The following ACBD4 variants were observed in gnomAD, a reference collection of about 807,000 sequenced individuals.
ACBD4 encodes acyl-CoA binding domain containing 4, also known as acyl-CoA-binding domain-containing protein 4.
Under a neutral mutation model 46.0 loss-of-function variants are expected in ACBD4, and 41 were observed. The observed-to-expected ratio is 0.89, with a 90% CI of 0.69 to 1.16. The LOEUF (loss-of-function observed/expected upper bound fraction) is 1.16. ACBD4 is among the 50% of genes most tolerant of loss of function. ACBD4 has a pLI of 0.00. For missense variants in ACBD4, 393 were observed against 399.5 expected, an observed-to-expected ratio of 0.98 and a Z score of 0.14; for synonymous variants, 162 against 155.9, an observed-to-expected ratio of 1.04 and a Z score of -0.29.
chr17:45,140,564 C>T (rs955495117), intron 9 of ACBD4, among the ~76,000 whole-genome samples: 17 of 150,616 alleles, frequency 1.1e-4, no homozygotes, highest in Admixed American at 5.3e-4. Context: ...GTGGCTCACA[C>T]CTGTAATCCC....
rs538402280 is a variant in ACBD4, at chr17:45,141,934, A to C, written c.790-1509A>C. 3.7e-3 allele frequency among the ~76,000 whole-genome samples: 559 copies of C among 152,300 alleles called. 2 individuals are homozygous for C. The highest frequency in any genetic ancestry group is 0.027 in the Middle Eastern group (8 of 294). ...AGTCAATAATTTAGTAATTGCCAAA[A>C]AAAAAAAAGCTGACTTTTAAATGCT... On this transcript the variant is annotated intron_variant, in intron 9 of 9. Transcript: ENST00000321854.
chr17:45,141,175 T>G (rs2055247097), intron 9 of ACBD4, among the ~76,000 whole-genome samples: 1 of 152,270 alleles, frequency 6.6e-6, no homozygotes, highest in African/African-American at 2.4e-5. Context: ...CCAGCTGCTC[T>G]GTTTTTCCAG....
In ACBD4 at chr17:45,137,416, C is replaced by T. The variant is rs1410904509; in HGVS notation, c.464C>T (p.Pro155Leu). ...GGAGATGTTGGGGCTGTTTCAGAGC[C>T]TCCCTGCCTCCCCAAGGAACCGGCA... Reference protein sequence around the residue: ...VNGDVGAVSEPPCLPKEPAPP... With the variant: ...VNGDVGAVSELPCLPKEPAPP... The change falls in exon 6 of 10, where the codon CCT becomes CTT. Residue 155 changes from proline (P) to leucine (L), a missense_variant. Coordinates refer to ENST00000321854, the MANE Select transcript of ACBD4 (RefSeq NM_001135705.3). 1 of 1,614,060 alleles carries T rather than the reference C, an allele frequency of 6.2e-7. No individual in the cohort carries two copies. Among genetic ancestry groups the T allele is most frequent in the Non-Finnish European group, 8.5e-7 (1 of 1,180,000 alleles).
chr17:45,134,926 C>A (rs928703696), upstream of ACBD4, among the ~76,000 whole-genome samples: 1 of 151,996 alleles, frequency 6.6e-6, no homozygotes, highest in South Asian at 2.1e-4. Flanking sequence ...CAGTACCCTT[C>A]CCAGCCTCTG....
intron 7 of ACBD4, 41 bp from the exon 8 acceptor site, chr17:45,137,872 G>T (rs368818663): frequency 1.2e-6 from 2 of 1,606,942 alleles, no homozygotes; most frequent in South Asian, 2.2e-5. Flanking sequence ...ACCCCACTGT[G>T]CTCCCACTCC....
Position 45,143,729 on chromosome 17 carries a change from A to AC in ACBD4, c.*162dup. ...CAGCGCGGGGGGCAAATAAGACCCCACCCCTCCCTGCAGCTTCACAGGGAC... is the reference window on the plus strand; with the variant it reads ...CAGCGCGGGGGGCAAATAAGACCCCACCCCCTCCCTGCAGCTTCACAGGGAC... On this transcript the variant is annotated 3_prime_UTR_variant, in exon 10 of 10. Transcript: ENST00000321854. 1.6e-6 allele frequency: 2 copies of AC among 1,229,564 alleles called. No individual in the cohort carries two copies. The highest frequency in any genetic ancestry group is 2.3e-6 in the Non-Finnish European group (2 of 879,234). 76.2% of individuals were successfully genotyped at this position (1,229,564 alleles called of 1,614,324 possible).
chr17:45,140,718 T>C (rs1333291212), intron 9 of ACBD4, among the ~76,000 whole-genome samples: 4 of 151,508 alleles, frequency 2.6e-5, no homozygotes, highest in Non-Finnish European at 4.4e-5. Context: ...GTTGGGTTCA[T>C]ATTCTCAAAA....
intron 9 of ACBD4, among the ~76,000 whole-genome samples, chr17:45,140,713 G>T (rs949817559): frequency 1.3e-5 from 2 of 151,696 alleles, no homozygotes; most frequent in African/African-American, 4.8e-5. Context: ...AAAGAGTTGG[G>T]TTCATATTCT....
rs765845136 is a variant in ACBD4, at chr17:45,136,239, C to T, written c.88+7C>T. 43 of 1,612,322 alleles carry T rather than the reference C, an allele frequency of 2.7e-5. No individual in the cohort carries two copies. Among genetic ancestry groups the T allele is most frequent in the Non-Finnish European group, 3.3e-5 (39 of 1,179,332 alleles). On this transcript the variant is annotated splice_region_variant and intron_variant, in intron 2 of 9. Transcript: ENST00000321854. ...CAGAACCTGCCCAAGAACGGTGAGG[C>T]TGCGGGGACTCGCATTTGGACTCGC...
At chr17:45,140,307 C>T (rs567558894) in intron 9 of ACBD4, among the ~76,000 whole-genome samples, 12 of 151,392 alleles carry the variant, frequency 7.9e-5, no homozygotes, top group Admixed American at 2.0e-4. Context: ...CCTCAGCCTC[C>T]GGAGTAGCTG....
At position 45,136,244 on chromosome 17, in the gene ACBD4, G is replaced by GGGACTCGCATTT. The variant is rs768576767; in HGVS notation, c.88+24_88+35dup. The GGGACTCGCATTT allele has an allele frequency of 5.0e-6, 8 of 1,612,092 alleles. No individual in the cohort carries two copies. The highest frequency in any genetic ancestry group is 1.1e-5 in the South Asian group (1 of 90,728). The stretch of plus-strand genomic sequence containing the variant: ...CCTGCCCAAGAACGGTGAGGCTGCG[G>GGGACTCGCATTT]GGACTCGCATTTGGACTCGCATTCA... On this transcript the variant is annotated intron_variant, in intron 2 of 9. Transcript: ENST00000321854.
At chr17:45,140,010 G>A (rs1388367424) in intron 9 of ACBD4, among the ~76,000 whole-genome samples, 2 of 152,192 alleles carry the variant, frequency 1.3e-5, no homozygotes, top group South Asian at 4.1e-4. Context: ...TGGGGGCAGA[G>A]AGGGCTGGGT....
chr17:45,137,740 C>A lies in ACBD4; in HGVS notation c.503-20C>A. The stretch of plus-strand genomic sequence containing the variant: ...TCCACAGCTTCCCTCTGGGCAGTAA[C>A]TCTACCAACCCCTCCACAGAGTCCC... On this transcript the variant is annotated intron_variant, in intron 6 of 9. Transcript: ENST00000321854. 1 of 1,613,864 alleles carries A rather than the reference C, an allele frequency of 6.2e-7. No homozygotes were observed. The highest frequency in any genetic ancestry group is 8.5e-7 in the Non-Finnish European group (1 of 1,179,846).
upstream of ACBD4, chr17:45,133,218 AG>A (rs2054552596): frequency 6.6e-6 from 1 of 152,250 alleles, no homozygotes; most frequent in African/African-American, 2.4e-5. Context: ...ATCCGTGTGC[AG>A]GTTCTGGTGG....
chr17:45,138,236 C>T (rs1429823771), intron 8 of ACBD4: 1 of 581,014 alleles, frequency 1.7e-6, no homozygotes, highest in Non-Finnish European at 3.1e-6. Context: ...TGAGTAAGGC[C>T]AGCGGGATGG....
chr17:45,136,132 G>A lies in ACBD4; in HGVS notation c.-13G>A, dbSNP rs541468728. 6.2e-7 allele frequency: 1 copy of A among 1,612,594 alleles called. No individual in the cohort carries two copies. Among genetic ancestry groups the A allele is most frequent in the Non-Finnish European group, 8.5e-7 (1 of 1,179,718 alleles). ...GAGTCGCTCAAAAGTAGGGCCCCAG[G>A]GCTCGCAGCAGCATGGGCACCGAGA... On this transcript the variant is annotated 5_prime_UTR_variant, in exon 2 of 10. Transcript: ENST00000321854.
upstream of ACBD4, chr17:45,132,662 T>C: frequency 4.1e-6 from 1 of 242,816 alleles, no homozygotes; most frequent in East Asian, 9.0e-5. The surrounding 1 kb of genome is among the most constrained non-coding windows in gnomAD (Gnocchi z 4.6). Flanking sequence ...TCGCCCCTGC[T>C]CGTGAGTCCG....
At chr17:45,138,370 C>G (rs1225756797) in intron 8 of ACBD4, 1 of 314,488 alleles carries the variant, frequency 3.2e-6, no homozygotes, top group Non-Finnish European at 6.0e-6. Context: ...TTCTAGAACT[C>G]CTGTTGTGTG....
upstream of ACBD4, chr17:45,133,252 A>G (rs1227810743): frequency 6.6e-6 from 1 of 152,132 alleles, no homozygotes; most frequent in Non-Finnish European, 1.5e-5. Context: ...TGCACTTACT[A>G]TTTATATGCA....
Sources: gnomAD v4.1 joint callset for allele counts (sites outside exome capture counted in the v4.1 genomes callset) on GRCh38, gnomAD v4.1.1 for gene constraint, Gnocchi (gnomAD v3.1) non-coding constraint, MANE v1.5 for transcripts, NCBI Gene and HGNC (gene_info 2026-07-23, HGNC 2026-07-21) for gene names.